The following PPP1R3F variants were observed in gnomAD, a reference collection of about 807,000 sequenced individuals.
PPP1R3F encodes protein phosphatase 1 regulatory subunit 3F.
Under a neutral mutation model 24.2 loss-of-function variants are expected in PPP1R3F, and 29 were observed. That is an observed-to-expected ratio of 1.20 (90% CI 0.89 to 1.63). The LOEUF is 1.63. Ranked by LOEUF, PPP1R3F falls within the 40% of genes most tolerant of loss-of-function variation. The probability of loss-of-function intolerance (pLI) is 0.00; values close to 1 mark genes in which losing one functional copy is unlikely to be tolerated. For synonymous variants in PPP1R3F, 363 were observed against 340.1 expected (o/e 1.07, Z -0.74); for missense variants, 823 against 729.3 (o/e 1.13, Z -1.48).
chrX:49,288,296 A>G (rs1234495234), downstream of PPP1R3F, among the ~76,000 whole-genome samples: 1 of 112,283 alleles, frequency 8.9e-6, no homozygotes, highest in Non-Finnish European at 1.9e-5. Context: ...TACTTGGGAT[A>G]TTGGCAGCAT....
chrX:49,297,581 C>T (rs1355289946), intron 3 of PPP1R3F, among the ~76,000 whole-genome samples: 1 of 110,941 alleles, frequency 9.0e-6, no homozygotes, highest in African/African-American at 3.3e-5. Flanking sequence ...GATCTTCTGA[C>T]CTTGTGATCT....
Position 49,286,904 on chromosome X carries a change from C to T in PPP1R3F, c.2214C>T (p.Pro738=), listed in dbSNP as rs782488176. Residue 738 remains proline, a synonymous_variant, in exon 4 of 4, where the codon CCC becomes CCT. Transcript: ENST00000055335. ...DEKDAGPSLE[P]PKKSPTLAVP... is the part of the protein sequence containing the mutation. ...AGGATGCAGGCCCAAGCCTTGAACCCCCAAAGAAGTCTCCCACCCTAGCAG... is the reference window on the plus strand; with the variant it reads ...AGGATGCAGGCCCAAGCCTTGAACCTCCAAAGAAGTCTCCCACCCTAGCAG... The T allele has an allele frequency of 1.7e-6, 2 of 1,196,649 alleles. No individual in the cohort carries two copies. Among genetic ancestry groups the T allele is most frequent in the Non-Finnish European group, 2.3e-6 (2 of 887,993 alleles).
At chrX:49,290,627 G>C (rs1278410679), downstream of PPP1R3F, among the ~76,000 whole-genome samples, 2 of 111,548 alleles carry the variant, frequency 1.8e-5, no homozygotes, top group East Asian at 5.6e-4. Context: ...CTCCTCCTGA[G>C]CCCATGTTAG....
intron 3 of PPP1R3F, among the ~76,000 whole-genome samples, chrX:49,300,555 C>CTTCA (rs1213529040): frequency 1.1e-5 from 1 of 94,598 alleles, no homozygotes; most frequent in Non-Finnish European, 2.0e-5. Context: ...AGTGGTACAA[C>CTTCA]TTCAGCTCAC....
chrX:49,270,114 A>T lies in PPP1R3F; in HGVS notation c.245A>T (p.Asp82Val), dbSNP rs1308958160. ...DGGGGGGADE[D>V]DDGEDGDEGE... Reference sequence around the variant, plus strand: ...GGCGGCGGCGGCGGGGCCGACGAGGACGACGATGGCGAGGATGGGGATGAA... The same window carrying T: ...GGCGGCGGCGGCGGGGCCGACGAGGTCGACGATGGCGAGGATGGGGATGAA... Residue 82 changes from aspartate to valine, a missense_variant, in exon 1 of 4, where the codon GAC becomes GTC. By Grantham distance (152) the Asp-to-Val change is radical (BLOSUM62 -3). Transcript: ENST00000055335. The T allele has an allele frequency of 1.9e-6, 2 of 1,028,458 alleles. No individual in the cohort carries two copies. Among genetic ancestry groups the T allele is most frequent in the Non-Finnish European group, 2.5e-6 (2 of 809,232 alleles). 84.8% of individuals were successfully genotyped at this position (1,028,458 alleles called of 1,213,427 possible). A position where few individuals can be genotyped will look rare whatever the true frequency, so the allele number is the denominator to read the frequency against.
intron 3 of PPP1R3F, among the ~76,000 whole-genome samples, chrX:49,298,603 G>A (rs1433063581): frequency 1.8e-5 from 2 of 111,739 alleles, no homozygotes; most frequent in Non-Finnish European, 3.8e-5. Context: ...ATCCTGAAGG[G>A]TGTTATCCAA....
intron 3 of PPP1R3F, among the ~76,000 whole-genome samples, chrX:49,296,389 C>T (rs1422089569): frequency 9.0e-6 from 1 of 110,921 alleles, no homozygotes; most frequent in Non-Finnish European, 1.9e-5. Flanking sequence ...TTTATTGTGT[C>T]TATTTGATTC....
chrX:49,294,556 G>T (rs1557122644), intron 3 of PPP1R3F, among the ~76,000 whole-genome samples: 1 of 110,134 alleles, frequency 9.1e-6, no homozygotes, highest in East Asian at 2.9e-4. Context: ...GCAGGAGTAA[G>T]AGTGGACATT....
At chrX:49,278,237 G>A (rs782059468) in intron 1 of PPP1R3F, among the ~76,000 whole-genome samples, 5 of 111,960 alleles carry the variant, frequency 4.5e-5, no homozygotes, top group South Asian at 3.7e-4. Flanking sequence ...ATATATGTCC[G>A]GACTAGGCCA....
At chrX:49,285,254 A>G (rs2066274436) in intron 3 of PPP1R3F, among the ~76,000 whole-genome samples, 1 of 109,357 alleles carries the variant, frequency 9.1e-6, no homozygotes, top group Admixed American at 9.8e-5. Flanking sequence ...CCCAGGCTGC[A>G]GTGCAGTGGC....
At position 49,269,953 on chromosome X, in the gene PPP1R3F, C is replaced by T; in HGVS notation, c.84C>T (p.Val28=). ...SPAAGEPRTS[V]EAAVAPRRVL... Reference sequence around the variant, plus strand: ...CCGCGGGTGAGCCCCGCACCTCGGTCGAGGCGGCGGTGGCCCCGCGGAGGG... The same window carrying T: ...CCGCGGGTGAGCCCCGCACCTCGGTTGAGGCGGCGGTGGCCCCGCGGAGGG... Residue 28 remains valine (V), a synonymous_variant, in exon 1 of 4, where the codon GTC becomes GTT. Transcript: ENST00000055335. 1.1e-6 allele frequency: 1 copy of T among 905,855 alleles called. No homozygotes were observed. The highest frequency in any genetic ancestry group is 4.8e-5 in the East Asian group (1 of 20,680). 74.7% of individuals were successfully genotyped at this position (905,855 alleles called of 1,213,427 possible).
rs1231859565 is a variant in PPP1R3F at position 49,269,831 on chromosome X, CCCGCCGCCGGTGCCGTCGGTG to C, written c.-29_-9del. The C allele has an allele frequency of 7.6e-5, 65 of 856,324 alleles. No individual in the cohort carries two copies. The East Asian group carries it at 7.8e-4, about 10-fold the overall frequency. The allele number at this position is 856,324 out of a possible 1,213,427, so 70.6% of individuals were successfully genotyped here. A position where few individuals can be genotyped will look rare whatever the true frequency, so the allele number is the denominator to read the frequency against. On this transcript the variant is annotated 5_prime_UTR_variant, in exon 1 of 4. Coordinates refer to ENST00000055335, the MANE Select transcript of PPP1R3F (RefSeq NM_033215.5). ...CCCTTCAGGCCCTGCCCCCGCCGGTCCCGCCGCCGGTGCCGTCGGTGCCGCCGCCGCCGCCGATATGGCGCG... is the reference window on the plus strand; with the variant it reads ...CCCTTCAGGCCCTGCCCCCGCCGGTCCCGCCGCCGCCGCCGATATGGCGCG...
Position 49,269,909 on chromosome X carries a change from T to C in PPP1R3F, c.40T>C (p.Ser14Pro). ...CCCTGTGGAGCCCCCGCTGCGGCATTCCGCGCCCCCCTCGCCGGCCGCGGG... is the reference window on the plus strand; with the variant it reads ...CCCTGTGGAGCCCCCGCTGCGGCATCCCGCGCCCCCCTCGCCGGCCGCGGG... ...TAPVEPPLRHSAPPSPAAGEP... is the reference protein window; with the variant it reads ...TAPVEPPLRHPAPPSPAAGEP... Residue 14 changes from serine to proline, a missense_variant, in exon 1 of 4, where the codon TCC becomes CCC. By Grantham distance (74) the Ser-to-Pro change is moderately conservative (BLOSUM62 -1). Coordinates refer to ENST00000055335, the MANE Select transcript of PPP1R3F (RefSeq NM_033215.5). 1.1e-6 allele frequency: 1 copy of C among 906,855 alleles called. No individual in the cohort carries two copies. The highest frequency in any genetic ancestry group is 1.4e-6 in the Non-Finnish European group (1 of 736,337). The allele number at this position is 906,855 out of a possible 1,213,427, so 74.7% of individuals were successfully genotyped here. A position where few individuals can be genotyped will look rare whatever the true frequency, so the allele number is the denominator to read the frequency against.
chrX:49,270,234 C>T lies in PPP1R3F; in HGVS notation c.365C>T (p.Pro122Leu), dbSNP rs1557118718. 4 of 1,093,053 alleles carry T rather than the reference C, an allele frequency of 3.7e-6. No individual in the cohort carries two copies. Among genetic ancestry groups the T allele is most frequent in the African/African-American group, 3.9e-5 (2 of 51,355 alleles). 90.1% of individuals were successfully genotyped at this position (1,093,053 alleles called of 1,213,427 possible). Reference protein sequence around the residue: ...GFYLVPTFSLPPAPGRLERLG... With the variant: ...GFYLVPTFSLLPAPGRLERLG... ...TACCTGGTCCCCACATTTTCGCTGC[C>T]GCCCGCGCCGGGCCGTCTGGAGCGC... The change falls in exon 1 of 4, where the codon CCG (proline) becomes CTG (leucine). Residue 122 changes from proline to leucine, a missense_variant. Transcript: ENST00000055335.
In PPP1R3F at chrX:49,286,995, G is replaced by T. The variant is rs782237375; in HGVS notation, c.2305G>T (p.Val769Phe). Residue 769 changes from valine to phenylalanine, a missense_variant, in exon 4 of 4, where the codon GTC (valine) becomes TTC (phenylalanine). Transcript: ENST00000055335. The stretch of plus-strand genomic sequence containing the variant: ...GGGGCCCTTGACCCAGACTCTGGGG[G>T]TCCTGGCCGGGCTAGTGGTGGTCCC... ...LRGPLTQTLGVLAGLVVVPVA... is the reference protein window; with the variant it reads ...LRGPLTQTLGFLAGLVVVPVA... 1.5e-5 allele frequency: 18 copies of T among 1,211,936 alleles called. No individual in the cohort carries two copies. The highest frequency in any genetic ancestry group is 2.0e-5 in the Non-Finnish European group (18 of 895,473).
In PPP1R3F at chrX:49,270,050, G is replaced by GGGGCGGGCAAGATGGCGGCGGC; in HGVS notation, c.184_205dup (p.Ala69GlyfsTer29). 1 of 976,527 alleles carries GGGGCGGGCAAGATGGCGGCGGC rather than the reference G, an allele frequency of 1.0e-6. No homozygotes were observed. Among genetic ancestry groups the GGGGCGGGCAAGATGGCGGCGGC allele is most frequent in the Non-Finnish European group, 1.3e-6 (1 of 782,319 alleles). 80.5% of individuals were successfully genotyped at this position (976,527 alleles called of 1,213,427 possible). ...CCGCTACCGGCCGTGGGGCGGGCCCGGGGCGGGCAAGATGGCGGCGGCGGC... is the reference window on the plus strand; with the variant it reads ...CCGCTACCGGCCGTGGGGCGGGCCCGGGGCGGGCAAGATGGCGGCGGCGGGCGGGCAAGATGGCGGCGGCGGC... On this transcript the variant is annotated frameshift_variant, in exon 1 of 4. Transcript: ENST00000055335. LOFTEE classifies it high-confidence loss of function.
chrX:49,286,304 GCCTGGCCCTGAGCGGGCCCTGAACAGCGC>G lies in PPP1R3F; in HGVS notation c.1621_1649del (p.Pro541Ter), dbSNP rs1294888247. ...CGGACCGCGACCTGATCTTGAAGTGGCCTGGCCCTGAGCGGGCCCTGAACAGCGCCCTGGCTGAGGAGATCACGCTGCAC... is the reference window on the plus strand; with the variant it reads ...CGGACCGCGACCTGATCTTGAAGTGGCCTGGCTGAGGAGATCACGCTGCAC... On this transcript the variant is annotated frameshift_variant, in exon 4 of 4. Coordinates refer to ENST00000055335, the MANE Select transcript of PPP1R3F (RefSeq NM_033215.5). LOFTEE classifies it high-confidence loss of function. 1 of 1,209,607 alleles carries G rather than the reference GCCTGGCCCTGAGCGGGCCCTGAACAGCGC, an allele frequency of 8.3e-7. No homozygotes were observed. The highest frequency in any genetic ancestry group is 1.1e-6 in the Non-Finnish European group (1 of 894,765).
At position 49,286,183 on chromosome X, in the gene PPP1R3F, G is replaced by A. The variant is rs2066281567; in HGVS notation, c.1493G>A (p.Arg498His). The change falls in exon 4 of 4, where the codon CGC (arginine) becomes CAC (histidine). Residue 498 changes from arginine (R) to histidine (H), a missense_variant. Arg to His is a conservative substitution (Grantham distance 29). Coordinates refer to ENST00000055335, the MANE Select transcript of PPP1R3F (RefSeq NM_033215.5). Reference sequence around the variant, plus strand: ...CAGCTCTACCTGTCTCACCTGAGCCGCCTACGGGCTGCTGTGGCTGCGGGT... The same window carrying A: ...CAGCTCTACCTGTCTCACCTGAGCCACCTACGGGCTGCTGTGGCTGCGGGT... ...LEQLYLSHLS[R>H]LRAAVAAGGA... The A allele has an allele frequency of 1.7e-6, 2 of 1,198,521 alleles. No individual in the cohort carries two copies.
chrX:49,280,549 C>CTTTTTTCTTTT (rs1557120562), intron 1 of PPP1R3F, among the ~76,000 whole-genome samples: 2 of 79,633 alleles, frequency 2.5e-5, no homozygotes, highest in Non-Finnish European at 5.1e-5. Flanking sequence ...GCGTCTGGCC[C>CTTTTTTCTTTT]TTTTTTTTTT....
Sources: gnomAD v4.1 joint callset for allele counts (sites outside exome capture counted in the v4.1 genomes callset) on GRCh38, gnomAD v4.1.1 for gene constraint, MANE v1.5 for transcripts, NCBI Gene and HGNC (gene_info 2026-07-23, HGNC 2026-07-21) for gene names.